AGBL4: variants seen among roughly 807,000 people sequenced by gnomAD.
AGBL4 encodes the protein cytosolic carboxypeptidase 6.
Under a neutral mutation model 66.4 loss-of-function variants are expected in AGBL4, and 58 were observed. The observed-to-expected ratio is 0.87, with a 90% confidence interval of 0.71 to 1.09. The LOEUF (loss-of-function observed/expected upper bound fraction) is 1.09. Ranked by LOEUF, AGBL4 falls within the 50% of genes least tolerant of loss-of-function variation. The probability of loss-of-function intolerance (pLI) is 0.00; values close to 1 mark genes in which losing one functional copy is unlikely to be tolerated. For missense variants in AGBL4, 579 were observed against 631.0 expected, an observed-to-expected ratio of 0.92 and a Z score of 0.88; for synonymous variants, 234 against 222.9, an observed-to-expected ratio of 1.05 and a Z score of -0.44.
chr1:48,566,752 G>A (rs1644482829), intron 11 of AGBL4, among the ~76,000 whole-genome samples: 1 of 152,232 alleles, frequency 6.6e-6, no homozygotes, highest in Non-Finnish European at 1.5e-5. Flanking sequence ...AGGGAATTCT[G>A]CAGCAGATGG....
At chr1:48,572,309 T>G (rs771775741) in intron 11 of AGBL4, among the ~76,000 whole-genome samples, 1 of 152,162 alleles carries the variant, frequency 6.6e-6, no homozygotes, top group Non-Finnish European at 1.5e-5. Flanking sequence ...ATTCTCCACT[T>G]AAGAGAGGAC....
intron 3 of AGBL4, among the ~76,000 whole-genome samples, chr1:49,350,226 C>T (rs1487072198): frequency 1.4e-5 from 2 of 138,928 alleles, no homozygotes; most frequent in Non-Finnish European, 3.0e-5. Context: ...TTTTTTGAGA[C>T]GGAGTCTCGC....
intron 3 of AGBL4, among the ~76,000 whole-genome samples, chr1:49,555,832 T>C (rs933908038): frequency 1.3e-5 from 2 of 151,940 alleles, no homozygotes; most frequent in Admixed American, 6.6e-5. Flanking sequence ...CAATGAGATA[T>C]CATCTCACAC....
intron 1 of AGBL4, among the ~76,000 whole-genome samples, chr1:49,878,181 T>C (rs1373158155): frequency 1.4e-5 from 2 of 146,830 alleles, no homozygotes; most frequent in Non-Finnish European, 3.0e-5. Flanking sequence ...CTGATTTTAG[T>C]TATTTCTTGC....
intron 3 of AGBL4, among the ~76,000 whole-genome samples, chr1:49,606,088 C>G (rs1238869076): frequency 6.6e-6 from 1 of 152,066 alleles, no homozygotes; most frequent in Non-Finnish European, 1.5e-5. Flanking sequence ...ACACAAGCAG[C>G]TAAATAGTTC....
chr1:49,148,426 T>C (rs1269879592), intron 4 of AGBL4, among the ~76,000 whole-genome samples: 1 of 152,170 alleles, frequency 6.6e-6, no homozygotes, highest in Non-Finnish European at 1.5e-5. Context: ...ATTGTGGGTA[T>C]AATTCTGAGG....
intron 1 of AGBL4, among the ~76,000 whole-genome samples, chr1:50,015,529 T>C (rs1661911431): frequency 6.6e-6 from 1 of 152,188 alleles, no homozygotes; most frequent in Non-Finnish European, 1.5e-5. Context: ...TGGTGGCATG[T>C]GCCTGTAGTT....
Position 49,762,586 on chromosome 1 carries a change from G to C in AGBL4, c.158-65149C>G, listed in dbSNP as rs563235383. ...TGCCACCATGCCCAGCTAATTTTTT[G>C]TATTTTTAGTAGAGACGGCGTTTCA... is the stretch of plus-strand genomic sequence containing the variant. On this transcript the variant is annotated intron_variant, in intron 2 of 13. Coordinates refer to ENST00000371839, the MANE Select transcript of AGBL4 (RefSeq NM_032785.4). 6.3e-4 allele frequency among the ~76,000 whole-genome samples: 96 copies of C among 151,902 alleles called. 3 individuals are homozygous for C. The highest frequency in any genetic ancestry group is 3.4e-3 in the Middle Eastern group (1 of 292).
chr1:49,730,308 T>C (rs1261496365), intron 2 of AGBL4, among the ~76,000 whole-genome samples: 1 of 152,092 alleles, frequency 6.6e-6, no homozygotes, highest in African/African-American at 2.4e-5. Flanking sequence ...AAAAGGGCAG[T>C]AACACACTCC....
Position 49,150,523 on chromosome 1 carries a change from T to C in AGBL4, c.377+95247A>G, listed in dbSNP as rs530349318. 1.7e-3 allele frequency among the ~76,000 whole-genome samples: 259 copies of C among 152,346 alleles called. 1 individual carries two copies. Among genetic ancestry groups the C allele is most frequent in the African/African-American group, 5.8e-3 (243 of 41,568 alleles). On this transcript the variant is annotated intron_variant, in intron 4 of 13. Coordinates refer to ENST00000371839, the MANE Select transcript of AGBL4 (RefSeq NM_032785.4). Reference sequence around the variant, plus strand: ...AATCTGAGGGGATTTTGCTGTTTCATGTGTACTTTTCACTACTTTCAAAAT... The same window carrying C: ...AATCTGAGGGGATTTTGCTGTTTCACGTGTACTTTTCACTACTTTCAAAAT...
At chr1:49,038,182 A>G (rs997922275) in intron 5 of AGBL4, among the ~76,000 whole-genome samples, 1 of 152,228 alleles carries the variant, frequency 6.6e-6, no homozygotes, top group East Asian at 1.9e-4. Flanking sequence ...AGATAATGCT[A>G]GTTACATGGT....
intron 5 of AGBL4, among the ~76,000 whole-genome samples, chr1:49,018,366 T>C (rs1662982505): frequency 6.6e-6 from 1 of 152,136 alleles, no homozygotes; most frequent in African/African-American, 2.4e-5. Flanking sequence ...AATACCTTTC[T>C]TGGAATTCAA....
chr1:48,846,808 CAT>C (rs1646927387), intron 6 of AGBL4, among the ~76,000 whole-genome samples: 1 of 152,006 alleles, frequency 6.6e-6, no homozygotes, highest in Non-Finnish European at 1.5e-5. Flanking sequence ...ATTGGCAGTC[CAT>C]GTGTCATGTA....
At chr1:50,012,927 C>T (rs1311381925) in intron 1 of AGBL4, among the ~76,000 whole-genome samples, 1 of 152,158 alleles carries the variant, frequency 6.6e-6, no homozygotes, top group Non-Finnish European at 1.5e-5. Flanking sequence ...AAAAACATGC[C>T]CTGGTTTGTT....
intron 2 of AGBL4, among the ~76,000 whole-genome samples, chr1:49,833,739 T>A (rs1645763585): frequency 6.6e-6 from 1 of 152,190 alleles, no homozygotes; most frequent in Admixed American, 6.5e-5. Flanking sequence ...CTAGGTATTT[T>A]ATTCTCTTTG....
At chr1:49,271,503 C>A (rs1283330491) in intron 3 of AGBL4, among the ~76,000 whole-genome samples, 2 of 145,852 alleles carry the variant, frequency 1.4e-5, no homozygotes, top group Non-Finnish European at 3.0e-5. Context: ...AAAGTCAACT[C>A]AATTAAAAGA....
intron 1 of AGBL4, among the ~76,000 whole-genome samples, chr1:50,006,651 C>A: frequency 6.8e-6 from 1 of 147,414 alleles, no homozygotes; most frequent in South Asian, 2.2e-4. Context: ...ACAAGCATGA[C>A]ATATTTAAAG....
intron 3 of AGBL4, among the ~76,000 whole-genome samples, chr1:49,315,196 GA>G (rs1645017913): frequency 6.6e-6 from 1 of 152,178 alleles, no homozygotes; most frequent in African/African-American, 2.4e-5. Flanking sequence ...GCCATATGTA[GA>G]AAACTGAAAC....
intron 2 of AGBL4, among the ~76,000 whole-genome samples, chr1:49,788,341 A>G (rs1019027180): frequency 6.6e-6 from 1 of 152,200 alleles, no homozygotes; most frequent in African/African-American, 2.4e-5. Context: ...GAGGATAAAA[A>G]AAGAACCAAG....
Sources: allele counts gnomAD v4.1 joint callset (sites outside exome capture counted in the v4.1 genomes callset), GRCh38; gene constraint gnomAD v4.1.1; transcripts MANE v1.5; gene names NCBI Gene and HGNC (gene_info 2026-07-23, HGNC 2026-07-21).